PDE4D: variants seen among roughly 807,000 people sequenced by gnomAD.
The protein encoded by PDE4D is phosphodiesterase 4D.
A neutral mutation model predicts 87.4 loss-of-function variants in PDE4D; 24 were observed. The ratio of observed to expected loss-of-function variants is 0.27; its 90% CI spans 0.20 to 0.39. The LOEUF (loss-of-function observed/expected upper bound fraction) is 0.39. PDE4D is among the 10% of genes least tolerant of loss of function. The probability of loss-of-function intolerance (pLI) is 1.00; values close to 1 mark genes in which losing one functional copy is unlikely to be tolerated. For synonymous variants in PDE4D, 384 were observed against 383.2 expected (o/e 1.00, Z -0.02); for missense variants, 714 against 1,041.0 (o/e 0.69, Z 4.32).
chr5:59,379,262 C>G (rs570498456), intron 1 of PDE4D, among the ~76,000 whole-genome samples: 1 of 152,146 alleles, frequency 6.6e-6, no homozygotes, highest in South Asian at 2.1e-4. Context: ...TCCTTATAAC[C>G]TTCTGACTTT....
intron 1 of PDE4D, among the ~76,000 whole-genome samples, chr5:59,272,992 C>T (rs775325912): frequency 7.9e-5 from 12 of 152,102 alleles, no homozygotes; most frequent in Non-Finnish European, 1.5e-4. Context: ...GGACAGTAGA[C>T]AGATTTGGAG....
chr5:59,158,788 C>A (rs960507930), intron 5 of PDE4D, among the ~76,000 whole-genome samples: 1 of 152,172 alleles, frequency 6.6e-6, no homozygotes, highest in South Asian at 2.1e-4. Flanking sequence ...TGGGATTATA[C>A]CCCTGGTCTT....
At chr5:59,050,569 GT>G (rs1761390751) in intron 5 of PDE4D, among the ~76,000 whole-genome samples, 1 of 152,176 alleles carries the variant, frequency 6.6e-6, no homozygotes. Context: ...AGATAAATTA[GT>G]TTTATAATTT....
intron 2 of PDE4D, among the ~76,000 whole-genome samples, chr5:60,042,125 G>A (rs1768588506): frequency 6.6e-6 from 1 of 152,046 alleles, no homozygotes; most frequent in South Asian, 2.1e-4. Flanking sequence ...GTGAGGGGAG[G>A]GGTGTCTGCT....
intron 1 of PDE4D, among the ~76,000 whole-genome samples, chr5:60,316,088 T>C (rs1755561765): frequency 6.6e-6 from 1 of 152,234 alleles, no homozygotes; most frequent in Admixed American, 6.5e-5. Context: ...AGTATGGCCA[T>C]TTTCATGATA....
intron 1 of PDE4D, among the ~76,000 whole-genome samples, chr5:59,566,975 CAAGGGG>C (rs1444880825): frequency 2.0e-5 from 3 of 152,084 alleles, no homozygotes; most frequent in African/African-American, 7.2e-5. Context: ...TGTTAGCACC[CAAGGGG>C]AAATGACTGT....
chr5:58,975,852 G>T lies in PDE4D; in HGVS notation c.1831-13C>A. 1 of 1,419,992 alleles carries T rather than the reference G, an allele frequency of 7.0e-7. No homozygotes were observed. The highest frequency in any genetic ancestry group is 9.3e-7 in the Non-Finnish European group (1 of 1,075,630). 88.0% of individuals were successfully genotyped at this position (1,419,992 alleles called of 1,614,324 possible). On this transcript the variant is annotated splice_polypyrimidine_tract_variant and intron_variant, in intron 13 of 14. Transcript: ENST00000340635. The surrounding 1 kb of genome is among the most constrained non-coding windows in gnomAD (Gnocchi z 4.2). Reference sequence around the variant, plus strand: ...TATTCTGAAGAACCTAAAATAGATGGATGCATTCTCTATTCACTCCTGTTC... The same window carrying T: ...TATTCTGAAGAACCTAAAATAGATGTATGCATTCTCTATTCACTCCTGTTC...
At chr5:60,298,297 AG>A (rs779961843) in intron 1 of PDE4D, among the ~76,000 whole-genome samples, 110 of 152,336 alleles carry the variant, frequency 7.2e-4, no homozygotes, top group Admixed American at 9.8e-4. Flanking sequence ...GTTTACTAAA[AG>A]ATCAGAGAAG....
At chr5:60,029,743 GT>G (rs11287538) in intron 2 of PDE4D, among the ~76,000 whole-genome samples, 75,338 of 151,914 alleles carry the variant, frequency 0.5, 19,150 homozygotes, top group East Asian at 0.82. Flanking sequence ...CTGAGTCTCT[GT>G]TTGTTCTTCC....
intron 2 of PDE4D, among the ~76,000 whole-genome samples, chr5:60,154,156 G>T (rs1230660180): frequency 6.6e-6 from 1 of 152,082 alleles, no homozygotes; most frequent in Non-Finnish European, 1.5e-5. Flanking sequence ...AAGACTTACT[G>T]CTTCCCATGG....
chr5:59,964,377 G>A (rs920205420), intron 3 of PDE4D, among the ~76,000 whole-genome samples: 4 of 152,054 alleles, frequency 2.6e-5, no homozygotes, highest in Non-Finnish European at 4.4e-5. Flanking sequence ...TATCCCTTCC[G>A]CACCATATGA....
At chr5:59,604,336 C>T (rs1192563737) in intron 1 of PDE4D, among the ~76,000 whole-genome samples, 1 of 152,018 alleles carries the variant, frequency 6.6e-6, no homozygotes, top group Non-Finnish European at 1.5e-5. Context: ...CATGCAAGTA[C>T]TCAATGCATA....
chr5:59,504,902 ATGTGTGTGTGTGTGTGTG>A (rs61507201), intron 1 of PDE4D, among the ~76,000 whole-genome samples: 29 of 145,710 alleles, frequency 2.0e-4, no homozygotes, highest in Non-Finnish European at 1.2e-4. Flanking sequence ...GTAGGGGTAT[ATGTGTGTGTGTGTGTGTG>A]TGTGTGTGTG....
intron 1 of PDE4D, among the ~76,000 whole-genome samples, chr5:59,543,117 C>T (rs552087748): frequency 6.6e-6 from 1 of 152,134 alleles, no homozygotes; most frequent in Non-Finnish European, 1.5e-5. Flanking sequence ...TAGCCAGCTG[C>T]ATAATTTGAG....
In PDE4D at chr5:58,999,563, A is replaced by ATATG. The variant is rs139662781; in HGVS notation, c.922-6099_922-6098insCATA. Reference sequence around the variant, plus strand: ...TTTGATTGATTATATGTATATATATATATATGTATATATATAGTAAGCTCT... The same window carrying ATATG: ...TTTGATTGATTATATGTATATATATATATGTATATGTATATATATAGTAAGCTCT... On this transcript the variant is annotated intron_variant, in intron 6 of 14. Transcript: ENST00000340635. The ATATG allele has an allele frequency of 0.091, 108,442 of 1,197,594 alleles. 8,571 individuals carry two copies. Among genetic ancestry groups the ATATG allele is most frequent in the East Asian group, 0.5 (16,633 of 33,302 alleles). The allele number at this position is 1,197,594 out of a possible 1,614,324, so 74.2% of individuals were successfully genotyped here. A position where few individuals can be genotyped will look rare whatever the true frequency, so the allele number is the denominator to read the frequency against.
chr5:59,368,532 C>T (rs529976889), intron 1 of PDE4D, among the ~76,000 whole-genome samples: 16 of 152,178 alleles, frequency 1.1e-4, no homozygotes, highest in African/African-American at 3.1e-4. Context: ...TGATTTAGCA[C>T]GTTAATTAGA....
intron 1 of PDE4D, among the ~76,000 whole-genome samples, chr5:59,729,244 A>C (rs1268911427): frequency 6.6e-6 from 1 of 152,098 alleles, no homozygotes; most frequent in Non-Finnish European, 1.5e-5. Flanking sequence ...AGCTTTATAA[A>C]GTTAAAGGTG....
At chr5:60,405,445 G>A (rs912927483) in intron 1 of PDE4D, among the ~76,000 whole-genome samples, 2 of 152,154 alleles carry the variant, frequency 1.3e-5, no homozygotes, top group Non-Finnish European at 2.9e-5. Context: ...TGTAACTGGC[G>A]CAATTTTTGG....
intron 1 of PDE4D, among the ~76,000 whole-genome samples, chr5:60,473,149 A>AAGGT (rs1747971824): frequency 8.1e-6 from 1 of 123,442 alleles, no homozygotes; most frequent in African/African-American, 3.3e-5. Flanking sequence ...GGAAGGAAGG[A>AAGGT]AGGAAGGAAG....
Sources: allele counts gnomAD v4.1 joint callset (sites outside exome capture counted in the v4.1 genomes callset), GRCh38; gene constraint gnomAD v4.1.1; non-coding constraint Gnocchi (gnomAD v3.1); transcripts MANE v1.5; gene names NCBI Gene and HGNC (gene_info 2026-07-23, HGNC 2026-07-21).